DPP10: variants seen among roughly 807,000 people sequenced by gnomAD.
DPP10 encodes the protein inactive dipeptidyl peptidase 10.
In DPP10, 33 loss-of-function variants were observed where a neutral mutation model predicts 120.9. That is an observed-to-expected ratio of 0.27 (90% confidence interval 0.21 to 0.37). DPP10 has a LOEUF of 0.37. DPP10 is among the 10% of genes least tolerant of loss of function. The pLI, the probability that DPP10 is intolerant of heterozygous loss-of-function variation, is 1.00. For missense variants in DPP10, 816 were observed against 942.8 expected, an observed-to-expected ratio of 0.87 and a Z score of 1.76; for synonymous variants, 337 against 326.1, an observed-to-expected ratio of 1.03 and a Z score of -0.36.
Position 115,101,284 on chromosome 2 carries a change from GA to G in DPP10, c.61-207952del, listed in dbSNP as rs1306671269. 2.6e-5 allele frequency among the ~76,000 whole-genome samples: 4 copies of G among 152,146 alleles called. No homozygotes were observed. The East Asian group carries it at 7.7e-4, about 29-fold the overall frequency. ...ACCTTATGGCTGGATGAGACTCTCA[GA>G]AATTCATGATGGAAATATCTGGTTA... On this transcript the variant is annotated intron_variant, in intron 1 of 25. Transcript: ENST00000410059.
chr2:114,532,652 G>A (rs1686128037), intron 1 of DPP10, among the ~76,000 whole-genome samples: 2 of 152,080 alleles, frequency 1.3e-5, no homozygotes, highest in Admixed American at 6.5e-5. Context: ...CAGTGTAAAT[G>A]TTTTCAAATA....
chr2:115,241,814 C>T (rs1425028101), intron 1 of DPP10, among the ~76,000 whole-genome samples: 1 of 152,070 alleles, frequency 6.6e-6, no homozygotes, highest in East Asian at 1.9e-4. Context: ...TCTGAAAATC[C>T]TTCTATACCT....
rs1163742645 is a variant in DPP10 at position 115,528,405 on chromosome 2, CTAAT to C, written c.441+2436_441+2439del. Among the ~76,000 whole-genome samples, 9 of 150,280 alleles carry C rather than the reference CTAAT, an allele frequency of 6.0e-5. No homozygotes were observed. In the East Asian group the frequency reaches 1.4e-3, roughly 23 times the overall value. On this transcript the variant is annotated intron_variant, in intron 5 of 25. Transcript: ENST00000410059. ...TAAATAAAAACCAAAAAAAAGAAAT[CTAAT>C]TATACCACATAAATAAACCAACATT...
intron 1 of DPP10, among the ~76,000 whole-genome samples, chr2:114,952,035 A>G (rs1384717486): frequency 1.3e-5 from 2 of 151,960 alleles, no homozygotes; most frequent in Non-Finnish European, 2.9e-5. Flanking sequence ...ATAGTAACTA[A>G]TATAAGTAGT....
intron 19 of DPP10, among the ~76,000 whole-genome samples, chr2:115,795,135 T>A (rs1684398676): frequency 1.3e-5 from 2 of 152,176 alleles, no homozygotes; most frequent in South Asian, 4.1e-4. Context: ...ATGAATCTAA[T>A]ATACTTAGAT....
chr2:115,271,948 G>A (rs899913757), intron 1 of DPP10, among the ~76,000 whole-genome samples: 2 of 152,110 alleles, frequency 1.3e-5, no homozygotes, highest in Admixed American at 6.5e-5. Context: ...TGTGCAAAAT[G>A]TTATCTTAAA....
At chr2:115,403,443 A>G (rs560203214) in intron 3 of DPP10, among the ~76,000 whole-genome samples, 1 of 121,714 alleles carries the variant, frequency 8.2e-6, no homozygotes, top group African/African-American at 3.2e-5. Context: ...TCTGTTGCCC[A>G]GGCTGGAATT....
intron 2 of DPP10, among the ~76,000 whole-genome samples, chr2:115,338,311 G>A (rs1263880654): frequency 6.6e-6 from 1 of 151,930 alleles, no homozygotes; most frequent in Non-Finnish European, 1.5e-5. Context: ...TTGTATTTAT[G>A]TAATTTTTAT....
chr2:115,438,867 C>T (rs2071757170), intron 3 of DPP10, among the ~76,000 whole-genome samples: 1 of 91,870 alleles, frequency 1.1e-5, no homozygotes, highest in African/African-American at 3.8e-5. Flanking sequence ...GGAATAGTGG[C>T]TATGATGGTC....
At chr2:114,558,015 T>A (rs148483076) in intron 1 of DPP10, among the ~76,000 whole-genome samples, 12 of 152,164 alleles carry the variant, frequency 7.9e-5, no homozygotes, top group African/African-American at 2.9e-4. Flanking sequence ...CTGAGTAATC[T>A]CTTCCATACT....
intron 1 of DPP10, among the ~76,000 whole-genome samples, chr2:114,873,988 G>T (rs1690930319): frequency 6.6e-6 from 1 of 152,136 alleles, no homozygotes. Flanking sequence ...AGTGGAGAAT[G>T]ACCACTGTGT....
At chr2:115,293,463 C>G (rs528110861) in intron 1 of DPP10, among the ~76,000 whole-genome samples, 2 of 152,152 alleles carry the variant, frequency 1.3e-5, no homozygotes, top group Admixed American at 6.5e-5. Flanking sequence ...TTCAGTTAAC[C>G]GTGACGTAGG....
intron 1 of DPP10, among the ~76,000 whole-genome samples, chr2:114,761,234 A>AT (rs1680253708): frequency 6.6e-6 from 1 of 152,170 alleles, no homozygotes; most frequent in East Asian, 1.9e-4. Context: ...AGAAAAGCAA[A>AT]TAAAAAAAAG....
At chr2:115,839,866 G>A (rs1689910161) in intron 24 of DPP10, among the ~76,000 whole-genome samples, 1 of 152,044 alleles carries the variant, frequency 6.6e-6, no homozygotes, top group South Asian at 2.1e-4. Flanking sequence ...TGGATCTTAG[G>A]TTCTGGCAGA....
At chr2:114,460,183 ATCTATC>A (rs1284839396) in intron 1 of DPP10, among the ~76,000 whole-genome samples, 2 of 147,236 alleles carry the variant, frequency 1.4e-5, no homozygotes, top group Non-Finnish European at 3.0e-5. Flanking sequence ...CTATCTATCT[ATCTATC>A]TATCTATCTA....
chr2:114,884,903 G>A (rs988401191), intron 1 of DPP10, among the ~76,000 whole-genome samples: 1 of 152,136 alleles, frequency 6.6e-6, no homozygotes, highest in Admixed American at 6.5e-5. Context: ...AACTACTGCT[G>A]CAAACTGTTC....
At chr2:115,317,628 TTTTC>T (rs2061857594) in intron 2 of DPP10, among the ~76,000 whole-genome samples, 1 of 151,232 alleles carries the variant, frequency 6.6e-6, no homozygotes, top group Non-Finnish European at 1.5e-5. Context: ...ACACTTGTTC[TTTTC>T]TTTTTTTTTT....
chr2:114,944,862 G>C (rs1027625523), intron 1 of DPP10, among the ~76,000 whole-genome samples: 4 of 152,080 alleles, frequency 2.6e-5, no homozygotes, highest in Admixed American at 1.3e-4. Context: ...CAATGACTTA[G>C]GTGAATTTAA....
intron 19 of DPP10, among the ~76,000 whole-genome samples, chr2:115,810,219 A>G (rs1192262398): frequency 6.6e-6 from 1 of 152,128 alleles, no homozygotes; most frequent in Non-Finnish European, 1.5e-5. Flanking sequence ...TTACCACCAA[A>G]TATTACTTAA....
Sources: gnomAD v4.1 joint callset for allele counts (sites outside exome capture counted in the v4.1 genomes callset) on GRCh38, gnomAD v4.1.1 for gene constraint, MANE v1.5 for transcripts, NCBI Gene and HGNC (gene_info 2026-07-23, HGNC 2026-07-21) for gene names.